Variants in CCDC27 observed in about 807,000 individuals in gnomAD.
CCDC27 encodes the protein coiled-coil domain containing 27.
In CCDC27, 80 loss-of-function variants were observed where a neutral mutation model predicts 80.3. The observed-to-expected ratio is 1.00, with a 90% CI of 0.83 to 1.20. CCDC27 has a LOEUF of 1.20. Ranked by LOEUF, CCDC27 falls within the 50% of genes most tolerant of loss-of-function variation. The pLI is 0.00. For missense variants in CCDC27, 815 were observed against 809.4 expected (o/e 1.01, Z -0.08); for synonymous variants, 342 against 334.3 (o/e 1.02, Z -0.25).
Position 3,760,467 on chromosome 1 carries a change from T to C in CCDC27, c.712-814T>C, listed in dbSNP as rs1643059756. 6.6e-6 allele frequency among the ~76,000 whole-genome samples: 1 copy of C among 152,242 alleles called. No homozygotes were observed. The highest frequency in any genetic ancestry group is 2.1e-4 in the South Asian group (1 of 4,836). On this transcript the variant is annotated intron_variant, in intron 4 of 11. Transcript: ENST00000294600. The surrounding 1 kb of genome is among the most constrained non-coding windows in gnomAD (Gnocchi z 4.3). ...ACTCTTGAGATAGATACTTGGGTCA[T>C]GATTTTCCATTTCCCTCCTGGTATA...
At position 3,767,805 on chromosome 1, in the gene CCDC27, C is replaced by T. The variant is rs1557631393; in HGVS notation, c.1743+360C>T. ...TGCCCCCCTCATCTCTGAGTCATAG[C>T]GTGCTTGCTGGACCAGGCACCATTC... On this transcript the variant is annotated intron_variant, in intron 10 of 11. Coordinates refer to ENST00000294600, the MANE Select transcript of CCDC27 (RefSeq NM_152492.3). Among the ~76,000 whole-genome samples the T allele has an allele frequency of 2.0e-5, 3 of 152,190 alleles. No individual in the cohort carries two copies. The South Asian group carries it at 6.2e-4, about 31-fold the overall frequency.
Position 3,755,575 on chromosome 1 carries a change from AG to A in CCDC27, c.553+9del, listed in dbSNP as rs1315962536. ...CAGACACGAACGTGGACGGTGAGGG[AG>A]CCCCTAGGGCCTCTGCCTGCACCTG... On this transcript the variant is annotated intron_variant, in intron 3 of 11. Transcript: ENST00000294600. 1 of 1,610,086 alleles carries A rather than the reference AG, an allele frequency of 6.2e-7. No homozygotes were observed. Among genetic ancestry groups the A allele is most frequent in the African/African-American group, 1.3e-5 (1 of 74,832 alleles).
In CCDC27 at chr1:3,757,031, C is replaced by A. The variant is rs1474809154; in HGVS notation, c.711+141C>A. 8.4e-6 allele frequency: 8 copies of A among 957,238 alleles called. No individual in the cohort carries two copies. The African/African-American group carries it at 1.2e-4, about 14-fold the overall frequency. The allele number at this position is 957,238 out of a possible 1,614,324, so 59.3% of individuals were successfully genotyped here. A position where few individuals can be genotyped will look rare whatever the true frequency, so the allele number is the denominator to read the frequency against. On this transcript the variant is annotated intron_variant, in intron 4 of 11. Transcript: ENST00000294600. ...GCAGGTCCCCATGGCCTAAAATGAC[C>A]TCCAGACCCCCTGCTTTGACAAAGC...
At chr1:3,762,923 G>A (rs1643122961) in intron 6 of CCDC27, 185 bp from the exon 7 acceptor site, 5 of 836,036 alleles carry the variant, frequency 6.0e-6, no homozygotes, top group Non-Finnish European at 9.0e-6. Context: ...GAGGACCCGT[G>A]ACAGAGGCCA....
At chr1:3,756,339 CAAAA>C (rs943524143) in intron 3 of CCDC27, 1 of 136,792 alleles carries the variant, frequency 7.3e-6, no homozygotes, top group African/African-American at 3.0e-5. Context: ...GACTCCATCT[CAAAA>C]AGAAAAAAAA....
intron 4 of CCDC27, chr1:3,757,325 C>T (rs1642982204): frequency 6.6e-6 from 1 of 152,252 alleles, no homozygotes; most frequent in South Asian, 2.1e-4. Context: ...ATTCCGTCAT[C>T]AAATTTTAGT....
chr1:3,760,938 T>G lies in CCDC27; in HGVS notation c.712-343T>G, dbSNP rs1448711646. Among the ~76,000 whole-genome samples the G allele has an allele frequency of 6.6e-6, 1 of 152,166 alleles. No individual in the cohort carries two copies. The highest frequency in any genetic ancestry group is 2.4e-5 in the African/African-American group (1 of 41,434). On this transcript the variant is annotated intron_variant, in intron 4 of 11. Transcript: ENST00000294600. The surrounding 1 kb of genome is among the most constrained non-coding windows in gnomAD (Gnocchi z 4.3). ...TAAGTGTCGGGGCTGCAAAGAAGACTGGTGTCCTGTGGTATAGTGGGGTGC... is the reference window on the plus strand; with the variant it reads ...TAAGTGTCGGGGCTGCAAAGAAGACGGGTGTCCTGTGGTATAGTGGGGTGC...
rs189127816 is a variant in CCDC27, at chr1:3,769,208, G to A, written c.1744-575G>A. The stretch of plus-strand genomic sequence containing the variant: ...TAGCTACCTCTGGGGAGGCGGCTGC[G>A]GGTGTACAGGCAGACAAGGATCTTC... On this transcript the variant is annotated intron_variant, in intron 10 of 11. Coordinates refer to ENST00000294600, the MANE Select transcript of CCDC27 (RefSeq NM_152492.3). The surrounding 1 kb of genome is among the most constrained non-coding windows in gnomAD (Gnocchi z 4.6). Among the ~76,000 whole-genome samples, 422 of 152,284 alleles carry A rather than the reference G, an allele frequency of 2.8e-3. 6 individuals carry two copies. The highest frequency in any genetic ancestry group is 3.3e-3 in the East Asian group (17 of 5,182).
rs768418858 is a variant in CCDC27, at chr1:3,756,813, G to T, written c.634G>T (p.Val212Phe). The change falls in exon 4 of 12, where the codon GTC becomes TTC. Residue 212 changes from valine to phenylalanine, a missense_variant. Val to Phe is a conservative substitution (Grantham distance 50). Coordinates refer to ENST00000294600, the MANE Select transcript of CCDC27 (RefSeq NM_152492.3). Reference protein sequence around the residue: ...KRRKSQTLSPVTSSSVASQSC... With the variant: ...KRRKSQTLSPFTSSSVASQSC... The stretch of plus-strand genomic sequence containing the variant: ...GAGAAAATCCCAGACTTTGAGTCCG[G>T]TCACCAGCAGCTCAGTCGCATCTCA... The T allele has an allele frequency of 1.2e-6, 2 of 1,613,948 alleles. No homozygotes were observed. Among genetic ancestry groups the T allele is most frequent in the Admixed American group, 3.3e-5 (2 of 60,002 alleles).
intron 10 of CCDC27, 71 bp downstream of exon 10, chr1:3,767,516 C>G: frequency 7.2e-7 from 1 of 1,385,838 alleles, no homozygotes; most frequent in Non-Finnish European, 9.8e-7. Flanking sequence ...CTCTGCCCAC[C>G]GCCCACCGAG....
chr1:3,754,286 G>T (rs1642900378), intron 2 of CCDC27, 45 bp downstream of exon 2: 1 of 1,530,354 alleles, frequency 6.5e-7, no homozygotes, highest in Non-Finnish European at 8.8e-7. Flanking sequence ...GCCTGTCAGA[G>T]TCGAGGGGCC....
chr1:3,756,601 G>C, intron 3 of CCDC27, 132 bp from the exon 4 acceptor site: 1 of 926,038 alleles, frequency 1.1e-6, no homozygotes, highest in African/African-American at 1.6e-5. Flanking sequence ...TTAGGAGACA[G>C]ATTGGAGTCT....
At position 3,763,317 on chromosome 1, in the gene CCDC27, G is replaced by A; in HGVS notation, c.1164G>A (p.Glu388=). ...GGGATGAGGACTCAGAGGAAAGGGA[G>A]CTGCCGGAGGAAGAGGAGATCCCCA... ...GDRDEDSEER[E]LPEEEEIPRR... Residue 388 remains glutamate, a synonymous_variant, in exon 7 of 12, where the codon GAG becomes GAA. Transcript: ENST00000294600. The surrounding 1 kb of genome is among the most constrained non-coding windows in gnomAD (Gnocchi z 7.5). 6.2e-7 allele frequency: 1 copy of A among 1,610,814 alleles called. No homozygotes were observed. Among genetic ancestry groups the A allele is most frequent in the Non-Finnish European group, 8.5e-7 (1 of 1,178,710 alleles).
chr1:3,766,652 T>C lies in CCDC27; in HGVS notation c.1530+40T>C. On this transcript the variant is annotated intron_variant, in intron 9 of 11. Coordinates refer to ENST00000294600, the MANE Select transcript of CCDC27 (RefSeq NM_152492.3). The surrounding 1 kb of genome is among the most constrained non-coding windows in gnomAD (Gnocchi z 6.1). Reference sequence around the variant, plus strand: ...GTCGTTAAATGATCAGCCAGGCCACTGTTCTTACTGTAAGTCCCAACACAG... The same window carrying C: ...GTCGTTAAATGATCAGCCAGGCCACCGTTCTTACTGTAAGTCCCAACACAG... 2 of 1,538,326 alleles carry C rather than the reference T, an allele frequency of 1.3e-6. No individual in the cohort carries two copies. Among genetic ancestry groups the C allele is most frequent in the South Asian group, 1.1e-5 (1 of 88,814 alleles).
At chr1:3,755,973 C>A in intron 3 of CCDC27, 1 of 207,334 alleles carries the variant, frequency 4.8e-6, no homozygotes, top group Non-Finnish European at 1.0e-5. Context: ...CTGGAGGAAA[C>A]CTAGAGTCTG....
chr1:3,767,601 A>T lies in CCDC27; in HGVS notation c.1743+156A>T, dbSNP rs568311005. 3.9e-5 allele frequency among the ~76,000 whole-genome samples: 6 copies of T among 152,336 alleles called. No homozygotes were observed. In the East Asian group the frequency reaches 1.2e-3, roughly 29 times the overall value. ...ACACCAGCATCCACACAGAGTTGACACTCAAGAAATGTGGGTAGAGGACGG... is the reference window on the plus strand; with the variant it reads ...ACACCAGCATCCACACAGAGTTGACTCTCAAGAAATGTGGGTAGAGGACGG... On this transcript the variant is annotated intron_variant, in intron 10 of 11. Transcript: ENST00000294600.
rs1643148109 is a variant in CCDC27, at chr1:3,763,552, C to T, written c.1321+78C>T. On this transcript the variant is annotated intron_variant, in intron 7 of 11. Coordinates refer to ENST00000294600, the MANE Select transcript of CCDC27 (RefSeq NM_152492.3). This position sits in a 1 kb window ranked among gnomAD's most constrained non-coding sequence, Gnocchi z 7.5. ...CAGGAGCTGGGACGCCCAGACGCTG[C>T]CTGCTCTGGTCAGTGAGCTGGAGCA... The T allele has an allele frequency of 6.5e-7, 1 of 1,549,454 alleles. No individual in the cohort carries two copies. The highest frequency in any genetic ancestry group is 2.3e-5 in the East Asian group (1 of 44,310).
At chr1:3,757,122 C>A (rs1004462602) in intron 4 of CCDC27, 8 of 429,118 alleles carry the variant, frequency 1.9e-5, no homozygotes, top group Non-Finnish European at 3.0e-5. Context: ...TCAGACTCAC[C>A]GGCACGCATG....
chr1:3,755,417 A>T, intron 2 of CCDC27, 40 bp from the exon 3 acceptor site: 1 of 1,527,404 alleles, frequency 6.5e-7, no homozygotes, highest in Non-Finnish European at 9.1e-7. Context: ...GGGAGACAAG[A>T]CCGCAGCAGT....
Sources: gnomAD v4.1 joint callset for allele counts (sites outside exome capture counted in the v4.1 genomes callset) on GRCh38, gnomAD v4.1.1 for gene constraint, Gnocchi (gnomAD v3.1) non-coding constraint, MANE v1.5 for transcripts, NCBI Gene and HGNC (gene_info 2026-07-23, HGNC 2026-07-21) for gene names.